Variants in NRXN3 observed in about 807,000 individuals in gnomAD.
NRXN3 encodes neurexin 3, also known as neurexin III.
Under a neutral mutation model 137.6 loss-of-function variants are expected in NRXN3, and 32 were observed. That is an observed-to-expected ratio of 0.23 (90% confidence interval 0.18 to 0.31). NRXN3 has a LOEUF of 0.31. Ranked by LOEUF, NRXN3 falls within the 10% of genes least tolerant of loss-of-function variation. The probability of loss-of-function intolerance (pLI) is 1.00; values close to 1 mark genes in which losing one functional copy is unlikely to be tolerated. For missense variants in NRXN3, 1,574 were observed against 2,062.5 expected, an observed-to-expected ratio of 0.76 and a Z score of 4.59; for synonymous variants, 798 against 784.5, an observed-to-expected ratio of 1.02 and a Z score of -0.29.
intron 4 of NRXN3, among the ~76,000 whole-genome samples, chr14:78,600,798 T>C (rs2097195910): frequency 6.6e-6 from 1 of 152,186 alleles, no homozygotes; most frequent in Non-Finnish European, 1.5e-5. Context: ...TAAACCTGAA[T>C]TTATCCTCTG....
chr14:79,093,739 C>T (rs1284117887), intron 15 of NRXN3, among the ~76,000 whole-genome samples: 2 of 152,106 alleles, frequency 1.3e-5, no homozygotes, highest in African/African-American at 4.8e-5. Flanking sequence ...GGGGGATATA[C>T]ATGTGTGCAT....
chr14:78,727,361 T>C (rs1433402181), intron 8 of NRXN3, among the ~76,000 whole-genome samples: 1 of 152,194 alleles, frequency 6.6e-6, no homozygotes, highest in Non-Finnish European at 1.5e-5. Flanking sequence ...GTGACACATA[T>C]GGACTATGGG....
intron 15 of NRXN3, among the ~76,000 whole-genome samples, chr14:79,185,072 G>A (rs2063363095): frequency 6.6e-6 from 1 of 152,162 alleles, no homozygotes; most frequent in African/African-American, 2.4e-5. Flanking sequence ...ATCATCTTAA[G>A]AAGTTATTAG....
intron 20 of NRXN3, among the ~76,000 whole-genome samples, chr14:79,857,541 A>G (rs2099405430): frequency 6.6e-6 from 1 of 152,086 alleles, no homozygotes; most frequent in Non-Finnish European, 1.5e-5. Flanking sequence ...TATTTCTATT[A>G]ATGATCTTAT....
intron 6 of NRXN3, among the ~76,000 whole-genome samples, chr14:78,653,433 G>A (rs1464022924): frequency 6.6e-6 from 1 of 152,178 alleles, no homozygotes; most frequent in Non-Finnish European, 1.5e-5. Flanking sequence ...ATTGGTTGCT[G>A]TGGAGTGCTC....
intron 1 of NRXN3, among the ~76,000 whole-genome samples, chr14:78,175,912 T>G (rs1441017711): frequency 6.6e-6 from 1 of 152,228 alleles, no homozygotes; most frequent in Non-Finnish European, 1.5e-5. Context: ...CGATGATATA[T>G]TGAAACATTT....
chr14:78,797,877 A>C (rs1160680918), intron 8 of NRXN3, among the ~76,000 whole-genome samples: 1 of 152,184 alleles, frequency 6.6e-6, no homozygotes, highest in Non-Finnish European at 1.5e-5. Flanking sequence ...TAAAACCATC[A>C]GATTTTGTGA....
At chr14:78,581,525 T>C (rs1206779169) in intron 4 of NRXN3, among the ~76,000 whole-genome samples, 1 of 152,254 alleles carries the variant, frequency 6.6e-6, no homozygotes, top group Non-Finnish European at 1.5e-5. Flanking sequence ...CTCTTAATAC[T>C]TATCACATTG....
chr14:79,764,170 G>A (rs868795594), intron 19 of NRXN3, among the ~76,000 whole-genome samples: 8 of 149,164 alleles, frequency 5.4e-5, no homozygotes, highest in South Asian at 2.2e-4. Flanking sequence ...GTGGGTGGGG[G>A]GGGTGTTAAG....
rs1056090335 is a variant in NRXN3, at chr14:79,402,934, G to A, written c.3263-64287G>A. Among the ~76,000 whole-genome samples, 6 of 152,274 alleles carry A rather than the reference G, an allele frequency of 3.9e-5. No homozygotes were observed. In the East Asian group the frequency reaches 1.2e-3, roughly 29 times the overall value. On this transcript the variant is annotated intron_variant, in intron 15 of 20. Transcript: ENST00000335750. ...AAATTTAATATTAATATTTAATAAAGCAGAAGTAATTATACCTGCAAAGGA... is the reference window on the plus strand; with the variant it reads ...AAATTTAATATTAATATTTAATAAAACAGAAGTAATTATACCTGCAAAGGA...
At chr14:79,639,868 A>T (rs2098423981) in intron 16 of NRXN3, among the ~76,000 whole-genome samples, 1 of 152,028 alleles carries the variant, frequency 6.6e-6, no homozygotes, top group Non-Finnish European at 1.5e-5. Context: ...CCGATAATAA[A>T]TCTCCCTCCT....
At chr14:79,376,178 G>A (rs976179944) in intron 15 of NRXN3, among the ~76,000 whole-genome samples, 3 of 132,612 alleles carry the variant, frequency 2.3e-5, no homozygotes, top group Non-Finnish European at 4.8e-5. Flanking sequence ...AGATATATAT[G>A]AGTATATATA....
intron 20 of NRXN3, among the ~76,000 whole-genome samples, chr14:79,835,677 C>A (rs967672763): frequency 6.6e-6 from 1 of 152,134 alleles, no homozygotes; most frequent in Non-Finnish European, 1.5e-5. Flanking sequence ...AATTGAGGAA[C>A]TGGATGAAAG....
At chr14:79,030,155 G>A (rs1428712358) in intron 15 of NRXN3, among the ~76,000 whole-genome samples, 1 of 148,484 alleles carries the variant, frequency 6.7e-6, no homozygotes, top group East Asian at 2.0e-4. Context: ...GAATAGAATT[G>A]CAGGTGTGAG....
At chr14:78,932,119 G>A (rs547872062) in intron 10 of NRXN3, among the ~76,000 whole-genome samples, 1 of 152,118 alleles carries the variant, frequency 6.6e-6, no homozygotes, top group South Asian at 2.1e-4. Context: ...CAGCCTGGGA[G>A]ACAGAGCAAG....
intron 4 of NRXN3, among the ~76,000 whole-genome samples, chr14:78,406,058 T>C (rs922143635): frequency 5.9e-5 from 9 of 152,292 alleles, no homozygotes; most frequent in African/African-American, 2.2e-4. Context: ...GTACTGCACA[T>C]CTGTAAGAAA....
intron 4 of NRXN3, among the ~76,000 whole-genome samples, chr14:78,483,336 C>G: frequency 6.6e-6 from 1 of 152,218 alleles, no homozygotes; most frequent in Non-Finnish European, 1.5e-5. Flanking sequence ...AAATTTCTCT[C>G]CATTTCCTAT....
chr14:79,488,005 T>C (rs1021046144), intron 16 of NRXN3, among the ~76,000 whole-genome samples: 1 of 152,090 alleles, frequency 6.6e-6, no homozygotes. Context: ...GGAGGACAGA[T>C]TACAGGAGAG....
chr14:78,528,882 C>T (rs1480388914), intron 4 of NRXN3, among the ~76,000 whole-genome samples: 1 of 152,010 alleles, frequency 6.6e-6, no homozygotes, highest in Non-Finnish European at 1.5e-5. Context: ...TTTGGTACCC[C>T]CTTAAATTTT....
Sources: allele counts gnomAD v4.1 joint callset (sites outside exome capture counted in the v4.1 genomes callset), GRCh38; gene constraint gnomAD v4.1.1; transcripts MANE v1.5; gene names NCBI Gene and HGNC (gene_info 2026-07-23, HGNC 2026-07-21).